MARCHF1: variants seen among roughly 807,000 people sequenced by gnomAD.
MARCHF1 encodes the protein membrane associated ring-CH-type finger 1.
Under a neutral mutation model 54.2 loss-of-function variants are expected in MARCHF1, and 40 were observed. The ratio of observed to expected loss-of-function variants is 0.74; its 90% CI spans 0.57 to 0.96. The LOEUF (loss-of-function observed/expected upper bound fraction) is 0.96, where lower values mean the gene tolerates loss of function less well. Among genes scored for constraint, MARCHF1 ranks in the 40% least tolerant of loss-of-function variants. MARCHF1 has a pLI of 0.00. For missense variants in MARCHF1, 586 were observed against 656.5 expected (o/e 0.89, Z 1.17); for synonymous variants, 236 against 236.3 (o/e 1.00, Z 0.01).
At position 164,319,564 on chromosome 4, in the gene MARCHF1, A is replaced by T. The variant is rs577638123; in HGVS notation, c.-323+64306T>A. ...TATTTTAATAAGCCCATGTGAGGTA[A>T]AAAGGTCTTTAAAATTATCATTGAT... On this transcript the variant is annotated intron_variant, in intron 1 of 9. Transcript: ENST00000514618. 8.5e-5 allele frequency among the ~76,000 whole-genome samples: 13 copies of T among 152,316 alleles called. No homozygotes were observed. In the East Asian group the frequency reaches 2.1e-3, roughly 25 times the overall value.
chr4:163,567,582 A>G (rs1161996274), intron 8 of MARCHF1, among the ~76,000 whole-genome samples: 1 of 152,118 alleles, frequency 6.6e-6, no homozygotes, highest in Non-Finnish European at 1.5e-5. Context: ...TGCTATTCTC[A>G]TGATAGTGAA....
intron 4 of MARCHF1, among the ~76,000 whole-genome samples, chr4:163,706,795 A>G (rs918895197): frequency 1.3e-5 from 2 of 151,976 alleles, no homozygotes; most frequent in Non-Finnish European, 2.9e-5. Context: ...TATAAATAAA[A>G]ACAAATACCT....
intron 1 of MARCHF1, among the ~76,000 whole-genome samples, chr4:164,251,079 C>T (rs1048278970): frequency 4.6e-5 from 7 of 152,114 alleles, no homozygotes; most frequent in South Asian, 4.1e-4. Context: ...AATGATTTAA[C>T]ATACATGATC....
At chr4:163,861,361 A>C (rs1749927476) in intron 3 of MARCHF1, among the ~76,000 whole-genome samples, 1 of 152,138 alleles carries the variant, frequency 6.6e-6, no homozygotes, top group South Asian at 2.1e-4. Context: ...CCAGAAGAAG[A>C]ACAAAGAGAT....
chr4:164,174,251 T>C (rs931593474), intron 1 of MARCHF1, among the ~76,000 whole-genome samples: 1 of 152,222 alleles, frequency 6.6e-6, no homozygotes, highest in Non-Finnish European at 1.5e-5. Flanking sequence ...AATTTCACTA[T>C]AACCTCTCAG....
intron 1 of MARCHF1, among the ~76,000 whole-genome samples, chr4:164,137,542 C>T (rs557396392): frequency 2.6e-5 from 4 of 152,218 alleles, no homozygotes; most frequent in African/African-American, 9.6e-5. Context: ...TCAGATTTTT[C>T]AGCCAAATGC....
intron 3 of MARCHF1, among the ~76,000 whole-genome samples, chr4:163,922,905 T>G (rs1751461901): frequency 6.6e-6 from 1 of 152,132 alleles, no homozygotes; most frequent in Non-Finnish European, 1.5e-5. Flanking sequence ...GAAAAAAGAA[T>G]CACCAATAAA....
chr4:164,045,184 T>C (rs1754215824), intron 2 of MARCHF1, among the ~76,000 whole-genome samples: 1 of 151,972 alleles, frequency 6.6e-6, no homozygotes, highest in East Asian at 1.9e-4. Context: ...AATTTTAAAC[T>C]TTCTAAATGA....
At chr4:164,215,841 A>G (rs561139762) in intron 1 of MARCHF1, among the ~76,000 whole-genome samples, 4 of 152,356 alleles carry the variant, frequency 2.6e-5, no homozygotes, top group Admixed American at 6.5e-5. Flanking sequence ...ACACTTTTCT[A>G]TATCAACAAC....
chr4:164,081,803 T>C (rs1251821366), intron 2 of MARCHF1, among the ~76,000 whole-genome samples: 1 of 152,198 alleles, frequency 6.6e-6, no homozygotes, highest in Non-Finnish European at 1.5e-5. Flanking sequence ...ATTTGTTCAC[T>C]AGACCTTTAG....
chr4:163,842,834 C>A (rs1400301601), intron 4 of MARCHF1, among the ~76,000 whole-genome samples: 1 of 152,080 alleles, frequency 6.6e-6, no homozygotes, highest in Non-Finnish European at 1.5e-5. Context: ...ACTGGGAATA[C>A]CCATTGTTTT....
intron 8 of MARCHF1, among the ~76,000 whole-genome samples, chr4:163,575,927 C>G (rs1195662281): frequency 6.6e-6 from 1 of 151,898 alleles, no homozygotes; most frequent in African/African-American, 2.4e-5. Context: ...TTATTTGGAT[C>G]TGTCTTTTCC....
At chr4:164,171,086 T>TA (rs1389418368) in intron 1 of MARCHF1, among the ~76,000 whole-genome samples, 1 of 152,230 alleles carries the variant, frequency 6.6e-6, no homozygotes, top group East Asian at 1.9e-4. Context: ...ATTCATTTTT[T>TA]ATCATTCAAT....
chr4:164,023,994 C>T (rs1481258033), intron 2 of MARCHF1, among the ~76,000 whole-genome samples: 1 of 151,948 alleles, frequency 6.6e-6, no homozygotes, highest in Non-Finnish European at 1.5e-5. Context: ...AATCTCATAG[C>T]TTAAAAATCA....
Position 163,893,633 on chromosome 4 carries a change from T to C in MARCHF1, c.-38-39464A>G, listed in dbSNP as rs558306798. Among the ~76,000 whole-genome samples, 154 of 152,316 alleles carry C rather than the reference T, an allele frequency of 1.0e-3. 2 individuals carry two copies. The highest frequency in any genetic ancestry group is 3.6e-3 in the African/African-American group (151 of 41,558). On this transcript the variant is annotated intron_variant, in intron 3 of 9. Coordinates refer to ENST00000514618, the MANE Select transcript of MARCHF1 (RefSeq NM_001394959.1). ...AAAAATTTAAATGTCTTCCCCATTT[T>C]TGAATAGATAATTACTATTGCTGAA...
chr4:163,645,012 G>C, intron 5 of MARCHF1, among the ~76,000 whole-genome samples: 1 of 152,120 alleles, frequency 6.6e-6, no homozygotes, highest in Non-Finnish European at 1.5e-5. Flanking sequence ...ATCCCTCTCA[G>C]TTACAACCAA....
intron 1 of MARCHF1, among the ~76,000 whole-genome samples, chr4:164,195,626 G>A (rs749031152): frequency 3.9e-5 from 6 of 152,006 alleles, no homozygotes; most frequent in Middle Eastern, 3.4e-3. Context: ...ATTTAAACCC[G>A]GATAGTCTCA....
At chr4:163,894,991 T>C (rs1176129908) in intron 3 of MARCHF1, among the ~76,000 whole-genome samples, 1 of 140,554 alleles carries the variant, frequency 7.1e-6, no homozygotes, top group African/African-American at 2.7e-5. Context: ...CATATACATA[T>C]ATATGCATGT....
At chr4:163,696,796 G>GAA (rs1440630199) in intron 5 of MARCHF1, among the ~76,000 whole-genome samples, 1 of 152,028 alleles carries the variant, frequency 6.6e-6, no homozygotes, top group Admixed American at 6.6e-5. Flanking sequence ...ATGCTTCTAA[G>GAA]AAATTTTCTC....
Sources: gnomAD v4.1 joint callset for allele counts (sites outside exome capture counted in the v4.1 genomes callset) on GRCh38, gnomAD v4.1.1 for gene constraint, MANE v1.5 for transcripts, NCBI Gene and HGNC (gene_info 2026-07-23, HGNC 2026-07-21) for gene names.